EXOC2: variants seen among roughly 807,000 people sequenced by gnomAD.
The protein encoded by EXOC2 is SEC5-like 1.
Under a neutral mutation model 131.8 loss-of-function variants are expected in EXOC2, and 70 were observed. The ratio of observed to expected loss-of-function variants is 0.53; its 90% confidence interval spans 0.44 to 0.65. EXOC2 has a LOEUF of 0.65. EXOC2 is among the 30% of genes least tolerant of loss of function. EXOC2 has a pLI of 0.00. For synonymous variants in EXOC2, 411 were observed against 398.4 expected (o/e 1.03, Z -0.38); for missense variants, 923 against 1,108.6 (o/e 0.83, Z 2.38).
intron 1 of EXOC2, among the ~76,000 whole-genome samples, chr6:661,638 C>G (rs1181059331): frequency 2.0e-5 from 3 of 152,134 alleles, no homozygotes; most frequent in Admixed American, 2.0e-4. Context: ...CTAAAAGGAG[C>G]TCTAACTCTT....
At chr6:540,080 G>A (rs774077287) in intron 22 of EXOC2, among the ~76,000 whole-genome samples, 3 of 152,292 alleles carry the variant, frequency 2.0e-5, no homozygotes, top group South Asian at 2.1e-4. Context: ...ACTTGTTAGC[G>A]AGGGCTTCCA....
At chr6:610,246 T>C in intron 6 of EXOC2, 68 bp from the exon 7 acceptor site, 4 of 1,331,406 alleles carry the variant, frequency 3.0e-6, no homozygotes, top group Non-Finnish European at 4.3e-6. Flanking sequence ...ATCAAAATGA[T>C]ATTTTTAAAC....
chr6:654,803 C>CAAAAA (rs66637987), intron 1 of EXOC2, among the ~76,000 whole-genome samples: 1,784 of 29,484 alleles, frequency 0.061, 620 homozygotes, highest in Non-Finnish European at 0.089. Flanking sequence ...GACCCTGTCT[C>CAAAAA]AAAAAAAAAA....
chr6:672,802 A>G (rs1419908726), intron 1 of EXOC2, among the ~76,000 whole-genome samples: 1 of 152,188 alleles, frequency 6.6e-6, no homozygotes, highest in African/African-American at 2.4e-5. Context: ...GGTGACTTCC[A>G]AGCTCCTACA....
chr6:659,910 G>T (rs931457225), intron 1 of EXOC2, among the ~76,000 whole-genome samples: 1 of 151,842 alleles, frequency 6.6e-6, no homozygotes. Flanking sequence ...CCACAGGCGG[G>T]GACAGAACCC....
chr6:510,013 C>G (rs1764755179), intron 23 of EXOC2, among the ~76,000 whole-genome samples: 1 of 151,852 alleles, frequency 6.6e-6, no homozygotes, highest in Non-Finnish European at 1.5e-5. Flanking sequence ...CAAACTGAAA[C>G]ACTACTGAAA....
intron 1 of EXOC2, among the ~76,000 whole-genome samples, chr6:642,540 G>A (rs995457154): frequency 6.6e-5 from 10 of 152,118 alleles, no homozygotes; most frequent in Non-Finnish European, 8.8e-5. Context: ...AAGCAAATAA[G>A]CAGATAACCG....
intron 4 of EXOC2, among the ~76,000 whole-genome samples, chr6:627,243 CAAA>C (rs144043704): frequency 0.56 from 65,943 of 118,634 alleles, 17,089 homozygotes; most frequent in East Asian, 0.76. Flanking sequence ...TGACAGTATC[CAAA>C]AAAAAAAAAA....
chr6:521,894 T>A (rs1345859740), intron 23 of EXOC2, among the ~76,000 whole-genome samples: 1 of 152,238 alleles, frequency 6.6e-6, no homozygotes, highest in African/African-American at 2.4e-5. Context: ...TAAACCAAAG[T>A]TCTCTTTTTG....
chr6:592,596 G>T lies in EXOC2; in HGVS notation c.1074-9C>A, dbSNP rs969626022. 4 of 1,609,366 alleles carry T rather than the reference G, an allele frequency of 2.5e-6. No individual in the cohort carries two copies. Among genetic ancestry groups the T allele is most frequent in the Admixed American group, 1.7e-5 (1 of 59,864 alleles). On this transcript the variant is annotated splice_polypyrimidine_tract_variant and intron_variant, in intron 10 of 27. Transcript: ENST00000230449. The stretch of plus-strand genomic sequence containing the variant: ...GAAGGTCAGACAGGTACCTGAAAAA[G>T]CAAGTCCAAGGTTGAGGCCAAAGGG...
At chr6:613,075 C>T (rs891971028) in intron 6 of EXOC2, among the ~76,000 whole-genome samples, 3 of 152,116 alleles carry the variant, frequency 2.0e-5, no homozygotes, top group Admixed American at 1.3e-4. Flanking sequence ...CCAGCGTGAG[C>T]AGTATCTGCT....
chr6:686,453 GA>G (rs1764659180), intron 1 of EXOC2, among the ~76,000 whole-genome samples: 2 of 152,190 alleles, frequency 1.3e-5, no homozygotes, highest in African/African-American at 2.4e-5. Flanking sequence ...TTAGGAATGG[GA>G]ATAAAGGCCT....
intron 22 of EXOC2, among the ~76,000 whole-genome samples, chr6:543,324 T>A (rs1263970297): frequency 2.6e-5 from 4 of 152,196 alleles, no homozygotes; most frequent in Admixed American, 2.6e-4. Context: ...ACATGGATGG[T>A]ACTGGAGGAC....
intron 11 of EXOC2, among the ~76,000 whole-genome samples, chr6:583,833 C>T (rs1262035777): frequency 2.0e-5 from 3 of 152,142 alleles, no homozygotes; most frequent in East Asian, 1.9e-4. Flanking sequence ...CACTGGCAGC[C>T]GTACACAGGT....
rs1358194577 is a variant in EXOC2 at position 564,675 on chromosome 6, G to T, written c.1537C>A (p.Leu513Met). The change falls in exon 15 of 28, where the codon CTG becomes ATG. Residue 513 changes from leucine to methionine, a missense_variant. Coordinates refer to ENST00000230449, the MANE Select transcript of EXOC2 (RefSeq NM_018303.6). ...KKMIQEVMHSLVKLTRGALLP... is the reference protein window; with the variant it reads ...KKMIQEVMHSMVKLTRGALLP... The stretch of plus-strand genomic sequence containing the variant: ...AGGGCTCCGCGGGTAAGCTTCACCA[G>T]GGAGTGCATTACTTCCTGAATCATT... 4 of 1,604,422 alleles carry T rather than the reference G, an allele frequency of 2.5e-6. No individual in the cohort carries two copies. Among genetic ancestry groups the T allele is most frequent in the Non-Finnish European group, 3.4e-6 (4 of 1,175,382 alleles).
At chr6:652,007 G>A (rs757832397) in intron 1 of EXOC2, among the ~76,000 whole-genome samples, 70 of 148,328 alleles carry the variant, frequency 4.7e-4, no homozygotes, top group Admixed American at 1.1e-3. Flanking sequence ...AGTGAGCCAA[G>A]ATTACGCCAC....
intron 1 of EXOC2, among the ~76,000 whole-genome samples, chr6:649,813 T>C (rs975287968): frequency 6.6e-6 from 1 of 152,204 alleles, no homozygotes; most frequent in Non-Finnish European, 1.5e-5. Context: ...AAATTCTGGA[T>C]ATAAGAAAGC....
rs528156226 is a variant in EXOC2 at position 504,774 on chromosome 6, C to T, written c.2381-5074G>A. Among the ~76,000 whole-genome samples, 8 of 152,258 alleles carry T rather than the reference C, an allele frequency of 5.3e-5. No homozygotes were observed. In the South Asian group the frequency reaches 1.2e-3, roughly 24 times the overall value. On this transcript the variant is annotated intron_variant, in intron 23 of 27. Coordinates refer to ENST00000230449, the MANE Select transcript of EXOC2 (RefSeq NM_018303.6). ...GTGCAATTCCCCCATTCTTCCAACA[C>T]GTGCTGTGTATCTATCATGTGCTGG... is the stretch of plus-strand genomic sequence containing the variant.
At chr6:593,480 G>A (rs1759655253) in intron 10 of EXOC2, among the ~76,000 whole-genome samples, 1 of 152,152 alleles carries the variant, frequency 6.6e-6, no homozygotes, top group African/African-American at 2.4e-5. Context: ...GTTTTTCTTA[G>A]TTTCTAAATA....
Sources: gnomAD v4.1 joint callset for allele counts (sites outside exome capture counted in the v4.1 genomes callset) on GRCh38, gnomAD v4.1.1 for gene constraint, MANE v1.5 for transcripts, NCBI Gene and HGNC (gene_info 2026-07-23, HGNC 2026-07-21) for gene names.